WDR27: variants seen among roughly 807,000 people sequenced by gnomAD.
WDR27 encodes the protein WD repeat-containing protein 27.
WDR27 carries 100 observed loss-of-function variants against 114.4 expected under a neutral mutation model. The ratio of observed to expected loss-of-function variants is 0.87; its 90% CI spans 0.74 to 1.03. WDR27 has a LOEUF of 1.03. Among genes scored for constraint, WDR27 ranks in the 50% least tolerant of loss-of-function variants. The probability of loss-of-function intolerance (pLI) is 0.00; values close to 1 mark genes in which losing one functional copy is unlikely to be tolerated. For synonymous variants in WDR27, 449 were observed against 423.1 expected, an observed-to-expected ratio of 1.06 and a Z score of -0.75; for missense variants, 1,129 against 1,092.9, an observed-to-expected ratio of 1.03 and a Z score of -0.47.
chr6:169,439,918 A>AATATTATTATATTGGTAGTTATATTACCG, the WDR27 span, among the ~76,000 whole-genome samples: 25 of 149,276 alleles, frequency 1.7e-4, 2 homozygotes, highest in South Asian at 1.3e-3. Context: ...TTATATTACC[A>AATATTATTATATTGGTAGTTATATTACCG]ATATTATTAT....
At chr6:169,449,888 C>T in the WDR27 span, among the ~76,000 whole-genome samples, 1 of 152,124 alleles carries the variant, frequency 6.6e-6, no homozygotes, top group Non-Finnish European at 1.5e-5. Flanking sequence ...CACTAAACTA[C>T]CACAATATTT....
At chr6:169,577,188 G>A (rs921459335) in intron 24 of WDR27, among the ~76,000 whole-genome samples, 5 of 152,204 alleles carry the variant, frequency 3.3e-5, no homozygotes, top group African/African-American at 1.2e-4. Context: ...CGCCGGCTCA[G>A]TCCACAGGTG....
At chr6:169,654,782 C>G (rs1353421864) in intron 13 of WDR27, among the ~76,000 whole-genome samples, 1 of 151,208 alleles carries the variant, frequency 6.6e-6, no homozygotes, top group Non-Finnish European at 1.5e-5. Flanking sequence ...GAAGGAGGCG[C>G]GTTCAGGAGA....
At chr6:169,654,818 G>C (rs1277492673) in intron 13 of WDR27, among the ~76,000 whole-genome samples, 1 of 151,740 alleles carries the variant, frequency 6.6e-6, no homozygotes, top group South Asian at 2.1e-4. Context: ...GAGGAGGAGG[G>C]GCGCTCAGAA....
At chr6:169,503,386 T>C (rs917330744) in intron 25 of WDR27, among the ~76,000 whole-genome samples, 3 of 152,216 alleles carry the variant, frequency 2.0e-5, no homozygotes, top group South Asian at 2.1e-4. Flanking sequence ...TATAAATGTA[T>C]TGATACTCCA....
At chr6:169,644,051 T>C (rs1276356862) in intron 16 of WDR27, among the ~76,000 whole-genome samples, 9 of 127,604 alleles carry the variant, frequency 7.1e-5, no homozygotes, top group Admixed American at 1.6e-4. Flanking sequence ...GCCTAGTTCA[T>C]ACGAGTCACA....
chr6:169,499,039 C>T (rs1411359433), intron 25 of WDR27, among the ~76,000 whole-genome samples: 2 of 152,192 alleles, frequency 1.3e-5, no homozygotes, highest in Non-Finnish European at 2.9e-5. Context: ...AGCAATACCC[C>T]ATTACTCAGA....
chr6:169,432,410 C>T, the WDR27 span, among the ~76,000 whole-genome samples: 1,381 of 152,302 alleles, frequency 9.1e-3, 13 homozygotes, highest in African/African-American at 0.031. Flanking sequence ...TGTGTCCCCA[C>T]CCAAATCTCA....
the WDR27 span, among the ~76,000 whole-genome samples, chr6:169,435,484 G>A: frequency 6.6e-6 from 1 of 152,230 alleles, no homozygotes; most frequent in Non-Finnish European, 1.5e-5. Context: ...CAAAGCCACA[G>A]GGGTGGAGCT....
chr6:169,673,508 G>T (rs1779299792), intron 2 of WDR27, among the ~76,000 whole-genome samples: 1 of 151,764 alleles, frequency 6.6e-6, no homozygotes, highest in East Asian at 1.9e-4. Context: ...AAAGCAACTA[G>T]GTCGTTGAAG....
the WDR27 span, among the ~76,000 whole-genome samples, chr6:169,439,044 T>C: frequency 6.6e-6 from 1 of 152,216 alleles, no homozygotes; most frequent in Non-Finnish European, 1.5e-5. Flanking sequence ...AATCAAATTC[T>C]AATTTAAGTA....
intron 13 of WDR27, among the ~76,000 whole-genome samples, chr6:169,654,946 G>A (rs1295700475): frequency 6.6e-6 from 1 of 152,174 alleles, no homozygotes; most frequent in African/African-American, 2.4e-5. Flanking sequence ...AGGTATTCTG[G>A]GAAAGGAGGG....
intron 24 of WDR27, among the ~76,000 whole-genome samples, chr6:169,572,995 C>T (rs74934545): frequency 0.017 from 2,546 of 147,946 alleles, 64 homozygotes; most frequent in African/African-American, 0.06. Context: ...GTCAATGCGC[C>T]GCATACCAGC....
At chr6:169,617,399 G>C (rs1405969100) in intron 21 of WDR27, among the ~76,000 whole-genome samples, 1 of 152,040 alleles carries the variant, frequency 6.6e-6, no homozygotes, top group African/African-American at 2.4e-5. Flanking sequence ...TTTTGAGACC[G>C]AGTTTCACTC....
At chr6:169,600,101 G>A (rs961267877) in intron 23 of WDR27, among the ~76,000 whole-genome samples, 1 of 152,164 alleles carries the variant, frequency 6.6e-6, no homozygotes, top group African/African-American at 2.4e-5. Flanking sequence ...CTGAGTTCCA[G>A]TTTGTTCGCA....
the WDR27 span, among the ~76,000 whole-genome samples, chr6:169,442,351 A>T: frequency 6.6e-6 from 1 of 152,342 alleles, no homozygotes; most frequent in Middle Eastern, 3.4e-3. Flanking sequence ...CCATATTTAC[A>T]CATGCCTGTT....
chr6:169,488,203 A>G (rs1789210258), intron 25 of WDR27, among the ~76,000 whole-genome samples: 1 of 152,162 alleles, frequency 6.6e-6, no homozygotes, highest in African/African-American at 2.4e-5. Context: ...TAATTGAAAC[A>G]CTCATGCATT....
rs577483302 is a variant in WDR27, at chr6:169,639,215, C to T, written c.1748-555G>A. 1.5e-4 allele frequency among the ~76,000 whole-genome samples: 23 copies of T among 148,792 alleles called. No individual in the cohort carries two copies. In the East Asian group the frequency reaches 4.6e-3, roughly 30 times the overall value. ...GTGTACTGCGTGGTGCTGGGTACTGCGTGGTGCCGGGTACTGCGTGGTGCT... is the reference window on the plus strand; with the variant it reads ...GTGTACTGCGTGGTGCTGGGTACTGTGTGGTGCCGGGTACTGCGTGGTGCT... On this transcript the variant is annotated intron_variant, in intron 17 of 25. Transcript: ENST00000448612.
chr6:169,530,709 T>C (rs1268744867), intron 25 of WDR27, among the ~76,000 whole-genome samples: 2 of 152,178 alleles, frequency 1.3e-5, no homozygotes, highest in Admixed American at 1.3e-4. Context: ...TTGAGGCCGG[T>C]GCCTCTCCAC....
Sources: allele counts gnomAD v4.1 joint callset (sites outside exome capture counted in the v4.1 genomes callset), GRCh38; gene constraint gnomAD v4.1.1; transcripts MANE v1.5; gene names NCBI Gene and HGNC (gene_info 2026-07-23, HGNC 2026-07-21).